Variants in ASIC2 observed in about 807,000 individuals in gnomAD.
The protein encoded by ASIC2 is acid sensing ion channel subunit 2.
Under a neutral mutation model 57.3 loss-of-function variants are expected in ASIC2, and 25 were observed. The ratio of observed to expected loss-of-function variants is 0.44; its 90% confidence interval spans 0.32 to 0.61. The LOEUF is 0.61. Among genes scored for constraint, ASIC2 ranks in the 20% least tolerant of loss-of-function variants. ASIC2 has a pLI of 0.06. For missense variants in ASIC2, 641 were observed against 738.1 expected (o/e 0.87, Z 1.52); for synonymous variants, 319 against 307.5 (o/e 1.04, Z -0.39).
intron 1 of ASIC2, among the ~76,000 whole-genome samples, chr17:33,353,332 T>G (rs570585244): frequency 6.6e-5 from 10 of 152,136 alleles, no homozygotes; most frequent in African/African-American, 2.4e-4. Flanking sequence ...TAAGTCTCTA[T>G]CTATTCTTTT....
intron 1 of ASIC2, among the ~76,000 whole-genome samples, chr17:33,408,314 C>T (rs1910538459): frequency 6.6e-6 from 1 of 152,112 alleles, no homozygotes; most frequent in Admixed American, 6.5e-5. Flanking sequence ...GGTGAGAACA[C>T]CAGGAACAGG....
At chr17:33,659,175 C>T (rs761496251) in intron 1 of ASIC2, among the ~76,000 whole-genome samples, 5 of 152,112 alleles carry the variant, frequency 3.3e-5, no homozygotes, top group South Asian at 2.1e-4. Flanking sequence ...GCCACTCAGC[C>T]GGGGAATATT....
intron 1 of ASIC2, among the ~76,000 whole-genome samples, chr17:33,529,088 G>C (rs1357230012): frequency 6.6e-6 from 1 of 152,220 alleles, no homozygotes; most frequent in East Asian, 1.9e-4. Flanking sequence ...CAGCTTCCAA[G>C]GCTGAATCCA....
At chr17:33,103,239 T>C (rs1460059949) in intron 2 of ASIC2, among the ~76,000 whole-genome samples, 1 of 152,238 alleles carries the variant, frequency 6.6e-6, no homozygotes, top group Non-Finnish European at 1.5e-5. Flanking sequence ...ATTTTTTATT[T>C]ATCAAAAGGC....
intron 1 of ASIC2, among the ~76,000 whole-genome samples, chr17:33,868,545 G>C (rs1299901121): frequency 6.6e-6 from 1 of 152,116 alleles, no homozygotes; most frequent in Non-Finnish European, 1.5e-5. Context: ...TTGGGTTAGA[G>C]AATGTTTTCT....
intron 1 of ASIC2, among the ~76,000 whole-genome samples, chr17:33,377,626 C>A (rs1909328868): frequency 6.6e-6 from 1 of 152,206 alleles, no homozygotes; most frequent in African/African-American, 2.4e-5. Flanking sequence ...TGTCCATTTT[C>A]TTTTCTCCTC....
At chr17:33,227,798 C>G (rs1006049845) in intron 1 of ASIC2, among the ~76,000 whole-genome samples, 1 of 152,198 alleles carries the variant, frequency 6.6e-6, no homozygotes, top group Non-Finnish European at 1.5e-5. Flanking sequence ...ACAATTTGCT[C>G]CAGGATTCAG....
At chr17:33,347,082 G>T (rs1907977924) in intron 1 of ASIC2, among the ~76,000 whole-genome samples, 1 of 152,174 alleles carries the variant, frequency 6.6e-6, no homozygotes, top group African/African-American at 2.4e-5. Context: ...CTAGAGGAAA[G>T]GAGGAATGGA....
At chr17:33,715,020 T>C (rs1430161575) in intron 1 of ASIC2, among the ~76,000 whole-genome samples, 1 of 150,184 alleles carries the variant, frequency 6.7e-6, no homozygotes, top group Non-Finnish European at 1.5e-5. Context: ...TTATTTTGAG[T>C]CAGGGTTCTC....
intron 1 of ASIC2, among the ~76,000 whole-genome samples, chr17:33,345,660 C>T (rs182495491): frequency 1.8e-4 from 28 of 152,216 alleles, no homozygotes; most frequent in African/African-American, 6.0e-4. Flanking sequence ...AGAAGACAAA[C>T]GCAAATGAAA....
chr17:33,381,805 G>A (rs76474280), intron 1 of ASIC2, among the ~76,000 whole-genome samples: 18 of 152,276 alleles, frequency 1.2e-4, no homozygotes, highest in Admixed American at 2.0e-4. Flanking sequence ...ATTACTAGCC[G>A]AATGGCCTAT....
At chr17:33,112,298 T>G in intron 1 of ASIC2, 1 of 539,564 alleles carries the variant, frequency 1.9e-6, no homozygotes, top group East Asian at 3.4e-5. Flanking sequence ...TTTGTTGCAG[T>G]AGGATCTGGT....
At chr17:33,962,321 G>C (rs1276299136) in intron 1 of ASIC2, among the ~76,000 whole-genome samples, 2 of 152,166 alleles carry the variant, frequency 1.3e-5, no homozygotes, top group Non-Finnish European at 2.9e-5. Context: ...AAGCCCTCCT[G>C]GGGGAGGTGA....
chr17:33,247,573 AAAGAGAAC>A (rs1908733974), intron 1 of ASIC2, among the ~76,000 whole-genome samples: 1 of 152,246 alleles, frequency 6.6e-6, no homozygotes, highest in Admixed American at 6.5e-5. Flanking sequence ...GACAATGGAC[AAAGAGAAC>A]AAGGTAGCTT....
intron 1 of ASIC2, among the ~76,000 whole-genome samples, chr17:33,379,697 T>C (rs1909409458): frequency 6.6e-6 from 1 of 152,210 alleles, no homozygotes; most frequent in African/African-American, 2.4e-5. Context: ...GCATCACCTT[T>C]AGATGATCAG....
At chr17:33,803,784 A>G (rs1912198301) in intron 1 of ASIC2, among the ~76,000 whole-genome samples, 1 of 152,142 alleles carries the variant, frequency 6.6e-6, no homozygotes, top group Admixed American at 6.5e-5. Flanking sequence ...AAGGCTTGGA[A>G]ACTCCAGAAG....
chr17:33,293,113 T>C lies in ASIC2; in HGVS notation c.-998A>G. The C allele has an allele frequency of 2.3e-6, 2 of 881,764 alleles. No individual in the cohort carries two copies. The highest frequency in any genetic ancestry group is 2.7e-6 in the Non-Finnish European group (2 of 735,622). 54.6% of individuals were successfully genotyped at this position (881,764 alleles called of 1,614,324 possible). On this transcript the variant is annotated 5_prime_UTR_variant, in exon 1 of 10. Transcript: ENST00000225823. ...CCCGGGGGTGACCCGGACTCGCTGC[T>C]CCGCGCGCCCTTCTCCTCTCGAGAC...
intron 1 of ASIC2, among the ~76,000 whole-genome samples, chr17:33,724,032 G>A (rs1052867507): frequency 6.6e-6 from 1 of 152,130 alleles, no homozygotes; most frequent in African/African-American, 2.4e-5. Flanking sequence ...TCATGGGAGG[G>A]ACTCAGTGGG....
chr17:33,679,854 T>C (rs566207068), intron 1 of ASIC2, among the ~76,000 whole-genome samples: 1 of 152,080 alleles, frequency 6.6e-6, no homozygotes, highest in Non-Finnish European at 1.5e-5. Context: ...GCGTGATTCA[T>C]GGAGAGAGGC....
Sources: gnomAD v4.1 joint callset for allele counts (sites outside exome capture counted in the v4.1 genomes callset) on GRCh38, gnomAD v4.1.1 for gene constraint, MANE v1.5 for transcripts, NCBI Gene and HGNC (gene_info 2026-07-23, HGNC 2026-07-21) for gene names.